The following EYA4 variants were observed in gnomAD, a reference collection of about 807,000 sequenced individuals.
The protein encoded by EYA4 is protein phosphatase EYA4.
In EYA4, 31 loss-of-function variants were observed where a neutral mutation model predicts 87.9. The ratio of observed to expected loss-of-function variants is 0.35; its 90% CI spans 0.27 to 0.48. The LOEUF is 0.48. EYA4 is among the 20% of genes least tolerant of loss of function. The pLI, the probability that EYA4 is intolerant of heterozygous loss-of-function variation, is 0.99. For synonymous variants in EYA4, 263 were observed against 270.6 expected (o/e 0.97, Z 0.28); for missense variants, 678 against 761.4 (o/e 0.89, Z 1.29).
intron 11 of EYA4, among the ~76,000 whole-genome samples, chr6:133,481,047 G>GTGGAAGGGAAGAT (rs1562470423): frequency 2.0e-5 from 3 of 151,756 alleles, no homozygotes; most frequent in East Asian, 1.9e-4. Context: ...GATGAGAGAG[G>GTGGAAGGGAAGAT]GTTTGACTAA....
chr6:133,514,486 T>C (rs1045010966), intron 16 of EYA4, among the ~76,000 whole-genome samples: 1 of 152,208 alleles, frequency 6.6e-6, no homozygotes, highest in African/African-American at 2.4e-5. Flanking sequence ...CTTTCTGTCA[T>C]ACGTGAGCAT....
intron 3 of EYA4, among the ~76,000 whole-genome samples, chr6:133,444,808 C>T (rs985779427): frequency 2.6e-5 from 4 of 152,246 alleles, no homozygotes; most frequent in East Asian, 1.9e-4. Context: ...GTCTGGGCAG[C>T]GTACTAAAGT....
intron 13 of EYA4, among the ~76,000 whole-genome samples, chr6:133,504,485 T>G (rs978655680): frequency 6.6e-6 from 1 of 152,194 alleles, no homozygotes; most frequent in Non-Finnish European, 1.5e-5. Context: ...GAAAATTATG[T>G]TGAAATCCAG....
chr6:133,415,057 G>T (rs917987872), intron 3 of EYA4, among the ~76,000 whole-genome samples: 2 of 152,152 alleles, frequency 1.3e-5, no homozygotes, highest in Non-Finnish European at 2.9e-5. Flanking sequence ...TGGGCAAATT[G>T]TAACTAACCC....
chr6:133,419,689 C>A (rs1331999463), intron 3 of EYA4, among the ~76,000 whole-genome samples: 1 of 152,100 alleles, frequency 6.6e-6, no homozygotes, highest in African/African-American at 2.4e-5. Context: ...TCAGACAAAC[C>A]AAACTATTAT....
chr6:133,321,210 A>G (rs1259109463), intron 2 of EYA4, among the ~76,000 whole-genome samples: 2 of 152,108 alleles, frequency 1.3e-5, no homozygotes, highest in Non-Finnish European at 1.5e-5. Context: ...TTTATAGTCT[A>G]TTATGTTGTA....
chr6:133,452,928 C>G (rs1041647663), intron 5 of EYA4: 1 of 152,052 alleles, frequency 6.6e-6, no homozygotes, highest in Non-Finnish European at 1.5e-5. Context: ...AATATTGTTT[C>G]TTTTGAAATC....
At chr6:133,462,145 T>G (rs1474072043) in intron 7 of EYA4, 190 bp from the exon 8 acceptor site, 6 of 666,070 alleles carry the variant, frequency 9.0e-6, no homozygotes, top group Non-Finnish European at 1.3e-5. Flanking sequence ...TTGTCTATGG[T>G]CACTAGATTG....
rs1359824142 is a variant in EYA4, at chr6:133,382,401, A to G, written c.43A>G (p.Thr15Ala). The G allele has an allele frequency of 1.2e-6, 2 of 1,609,606 alleles. No individual in the cohort carries two copies. Among genetic ancestry groups the G allele is most frequent in the Non-Finnish European group, 1.7e-6 (2 of 1,175,966 alleles). The part of the protein sequence containing the change: ...QDLNEQSVKK[T>A]CTESDVSQSQ... ...TACTCTTTTCTTACAGGTAAAGAAA[A>G]CGTGCACAGAATCAGATGTTTCACA... The change falls in exon 3 of 20, where the codon ACG (threonine) becomes GCG (alanine). Residue 15 changes from threonine (T) to alanine (A), a missense_variant. By Grantham distance (58) the Thr-to-Ala change is moderately conservative. Transcript: ENST00000355286.
intron 2 of EYA4, among the ~76,000 whole-genome samples, chr6:133,329,167 G>C (rs1253041435): frequency 6.6e-6 from 1 of 151,896 alleles, no homozygotes; most frequent in Non-Finnish European, 1.5e-5. Context: ...ATGATTCTTA[G>C]GTCTGTTTTT....
chr6:133,430,331 GA>G (rs749307241), intron 3 of EYA4, among the ~76,000 whole-genome samples: 2 of 152,120 alleles, frequency 1.3e-5, no homozygotes, highest in Non-Finnish European at 2.9e-5. Context: ...ACATTTGGGG[GA>G]AACAGAAAAT....
intron 3 of EYA4, among the ~76,000 whole-genome samples, chr6:133,428,113 G>C (rs1790834290): frequency 1.3e-5 from 2 of 152,192 alleles, no homozygotes; most frequent in Admixed American, 6.5e-5. Flanking sequence ...TGAAAGGAAT[G>C]ATGATGGGGT....
intron 3 of EYA4, among the ~76,000 whole-genome samples, chr6:133,383,210 T>C (rs1786386075): frequency 6.6e-6 from 1 of 152,234 alleles, no homozygotes; most frequent in Non-Finnish European, 1.5e-5. Flanking sequence ...CTCCCGCATA[T>C]AGTGCATGTA....
intron 3 of EYA4, among the ~76,000 whole-genome samples, chr6:133,398,876 A>G (rs1387076215): frequency 1.3e-5 from 2 of 152,230 alleles, no homozygotes; most frequent in Non-Finnish European, 2.9e-5. Flanking sequence ...AAATAGGCAC[A>G]AAGAAGAGAA....
intron 3 of EYA4, among the ~76,000 whole-genome samples, chr6:133,392,001 C>A (rs1483929774): frequency 2.0e-5 from 3 of 152,150 alleles, no homozygotes; most frequent in African/African-American, 4.8e-5. Context: ...AGACTTAGAG[C>A]TTGATTTCAT....
intron 5 of EYA4, among the ~76,000 whole-genome samples, chr6:133,455,480 T>A (rs1235466854): frequency 6.6e-6 from 1 of 152,222 alleles, no homozygotes; most frequent in East Asian, 1.9e-4. Context: ...TCTGTTCATG[T>A]GGAAAAGAGC....
chr6:133,477,185 A>G (rs1030650848), intron 11 of EYA4, among the ~76,000 whole-genome samples: 1 of 152,030 alleles, frequency 6.6e-6, no homozygotes, highest in African/African-American at 2.4e-5. Context: ...GTAGTTCTTT[A>G]TAGCGATGTG....
At chr6:133,358,500 A>G (rs1299115625) in intron 2 of EYA4, among the ~76,000 whole-genome samples, 1 of 152,238 alleles carries the variant, frequency 6.6e-6, no homozygotes, top group Non-Finnish European at 1.5e-5. Flanking sequence ...CATCGAATGT[A>G]GTTGGGATTT....
chr6:133,331,063 A>G (rs1256703533), intron 2 of EYA4, among the ~76,000 whole-genome samples: 1 of 147,526 alleles, frequency 6.8e-6, no homozygotes, highest in Non-Finnish European at 1.5e-5. Flanking sequence ...CAGAACCAGA[A>G]GTAGTGTAAT....
Sources: allele counts gnomAD v4.1 joint callset (sites outside exome capture counted in the v4.1 genomes callset), GRCh38; gene constraint gnomAD v4.1.1; transcripts MANE v1.5; gene names NCBI Gene and HGNC (gene_info 2026-07-23, HGNC 2026-07-21).